Variants in SPIRE1 observed in about 807,000 individuals in gnomAD.
The protein encoded by SPIRE1 is spire type actin nucleation factor 1.
A neutral mutation model predicts 94.1 loss-of-function variants in SPIRE1; 40 were observed. The observed-to-expected ratio is 0.43, with a 90% CI of 0.33 to 0.55. The LOEUF (loss-of-function observed/expected upper bound fraction) is 0.55. Among genes scored for constraint, SPIRE1 ranks in the 20% least tolerant of loss-of-function variants. The pLI is 0.06. For missense variants in SPIRE1, 838 were observed against 975.2 expected (o/e 0.86, Z 1.87); for synonymous variants, 376 against 371.7 (o/e 1.01, Z -0.13).
At chr18:12,547,213 A>G (rs2035199200) in intron 2 of SPIRE1, among the ~76,000 whole-genome samples, 2 of 152,230 alleles carry the variant, frequency 1.3e-5, no homozygotes, top group African/African-American at 4.8e-5. Flanking sequence ...ATGCACAGAC[A>G]TCCCAAGTAT....
At chr18:12,659,289 A>C (rs1468879546), upstream of SPIRE1, among the ~76,000 whole-genome samples, 1 of 152,184 alleles carries the variant, frequency 6.6e-6, no homozygotes, top group Non-Finnish European at 1.5e-5. Context: ...AAATAACAAC[A>C]GTCTATTAAA....
intron 9 of SPIRE1, among the ~76,000 whole-genome samples, chr18:12,482,100 C>G (rs745721889): frequency 6.6e-5 from 10 of 152,168 alleles, no homozygotes; most frequent in Non-Finnish European, 1.3e-4. Flanking sequence ...AAGAATAGCA[C>G]TGTATGCATA....
chr18:12,584,257 C>T (rs1431883259), intron 2 of SPIRE1, among the ~76,000 whole-genome samples: 3 of 151,922 alleles, frequency 2.0e-5, no homozygotes, highest in East Asian at 1.9e-4. Flanking sequence ...TGGTGAAACC[C>T]CGTCTCTACT....
rs79213117 is a variant in SPIRE1, at chr18:12,479,939, G to A, written c.1232-68C>T. 6.7e-4 allele frequency: 972 copies of A among 1,455,846 alleles called. 2 individuals carry two copies. In the African/African-American group the frequency reaches 0.012, roughly 18 times the overall value. The allele number at this position is 1,455,846 out of a possible 1,614,324, so 90.2% of individuals were successfully genotyped here. On this transcript the variant is annotated intron_variant, in intron 9 of 16. Transcript: ENST00000409402. ...GGTTATCTGTGTTGGAAGCATACCA[G>A]GTAACAGAGCATTTCATACAAAAAC... is the stretch of plus-strand genomic sequence containing the variant.
At position 12,657,913 on chromosome 18, in the gene SPIRE1, C is replaced by T; in HGVS notation, c.-47G>A. 3.9e-6 allele frequency: 4 copies of T among 1,024,800 alleles called. No individual in the cohort carries two copies. Among genetic ancestry groups the T allele is most frequent in the Non-Finnish European group, 4.7e-6 (4 of 857,974 alleles). 63.5% of individuals were successfully genotyped at this position (1,024,800 alleles called of 1,614,324 possible). On this transcript the variant is annotated 5_prime_UTR_variant, in exon 1 of 17. Transcript: ENST00000409402. ...CGGCAGTCGCGCCGTGTGCCGGCGT[C>T]TCCTCAGCTCCGGAGCATCGTCGTC... is the stretch of plus-strand genomic sequence containing the variant.
chr18:12,554,515 A>C (rs2035446144), intron 2 of SPIRE1, among the ~76,000 whole-genome samples: 2 of 152,326 alleles, frequency 1.3e-5, no homozygotes, highest in Middle Eastern at 3.4e-3. Flanking sequence ...TTCCCAGCAA[A>C]GAAAATCCTA....
At chr18:12,650,046 A>G (rs2038332649) in intron 1 of SPIRE1, among the ~76,000 whole-genome samples, 1 of 151,960 alleles carries the variant, frequency 6.6e-6, no homozygotes. Context: ...TGAGACCAGC[A>G]TGATCAATAT....
At chr18:12,512,958 C>G (rs1345471943) in intron 4 of SPIRE1, among the ~76,000 whole-genome samples, 2 of 152,090 alleles carry the variant, frequency 1.3e-5, no homozygotes, top group African/African-American at 4.8e-5. Flanking sequence ...AGATATCACA[C>G]TCAACAGAAT....
chr18:12,477,715 C>T (rs775286134), intron 10 of SPIRE1, among the ~76,000 whole-genome samples: 1 of 152,048 alleles, frequency 6.6e-6, no homozygotes, highest in Non-Finnish European at 1.5e-5. Flanking sequence ...AGGAGACTTC[C>T]TAAGACAAAG....
intron 6 of SPIRE1, among the ~76,000 whole-genome samples, chr18:12,501,065 T>G (rs1190077125): frequency 1.1e-5 from 1 of 88,662 alleles, no homozygotes; most frequent in Non-Finnish European, 2.1e-5. Flanking sequence ...ACAGTGAAAC[T>G]CTGTCTCAAA....
intron 10 of SPIRE1, among the ~76,000 whole-genome samples, chr18:12,477,336 A>T (rs548964100): frequency 6.6e-5 from 10 of 152,208 alleles, no homozygotes; most frequent in African/African-American, 1.2e-4. Context: ...GAGTGCCATG[A>T]CTGAGAAACT....
intron 2 of SPIRE1, among the ~76,000 whole-genome samples, chr18:12,564,499 G>A (rs1425918434): frequency 6.6e-6 from 1 of 152,114 alleles, no homozygotes; most frequent in African/African-American, 2.4e-5. Context: ...CACATGTAAG[G>A]AGCTTAGAAG....
intron 5 of SPIRE1, 121 bp from the exon 6 acceptor site, chr18:12,506,762 A>C (rs1263508687): frequency 1.0e-6 from 1 of 1,004,550 alleles, no homozygotes. Flanking sequence ...CCAACAAAAA[A>C]CTATTTTAAA....
At chr18:12,618,379 C>T (rs954801369) in intron 2 of SPIRE1, among the ~76,000 whole-genome samples, 6 of 152,252 alleles carry the variant, frequency 3.9e-5, no homozygotes, top group Admixed American at 2.0e-4. Flanking sequence ...AGATTACAGG[C>T]GAGAGCCACC....
At chr18:12,543,825 T>C (rs1052893519) in intron 3 of SPIRE1, among the ~76,000 whole-genome samples, 10 of 152,232 alleles carry the variant, frequency 6.6e-5, no homozygotes, top group Non-Finnish European at 1.2e-4. Context: ...TTACAATTCT[T>C]CAGATAATTC....
At chr18:12,467,759 G>C (rs1359587195) in intron 10 of SPIRE1, among the ~76,000 whole-genome samples, 2 of 152,204 alleles carry the variant, frequency 1.3e-5, no homozygotes, top group Non-Finnish European at 2.9e-5. Context: ...AGACCAGCCT[G>C]ACCAACATGG....
intron 2 of SPIRE1, among the ~76,000 whole-genome samples, chr18:12,630,036 A>G (rs987068971): frequency 1.3e-5 from 2 of 152,216 alleles, no homozygotes; most frequent in Admixed American, 6.5e-5. Context: ...CTTTCTCAGA[A>G]CTCATAATTT....
intron 1 of SPIRE1, among the ~76,000 whole-genome samples, chr18:12,635,800 C>T (rs1038210683): frequency 3.9e-5 from 6 of 152,044 alleles, no homozygotes; most frequent in Non-Finnish European, 7.4e-5. Flanking sequence ...TTTAAAGAAT[C>T]ACTTATTAAA....
intron 2 of SPIRE1, among the ~76,000 whole-genome samples, chr18:12,570,983 T>C (rs2035947430): frequency 6.6e-6 from 1 of 152,148 alleles, no homozygotes; most frequent in Admixed American, 6.6e-5. Flanking sequence ...TCTCCTTTAG[T>C]GTGTGTTTCT....
Sources: gnomAD v4.1 joint callset for allele counts (sites outside exome capture counted in the v4.1 genomes callset) on GRCh38, gnomAD v4.1.1 for gene constraint, MANE v1.5 for transcripts, NCBI Gene and HGNC (gene_info 2026-07-23, HGNC 2026-07-21) for gene names.